IKZF1: variants seen among roughly 807,000 people sequenced by gnomAD.
IKZF1 encodes the protein IKAROS family zinc finger 1, also known as DNA-binding protein Ikaros.
A neutral mutation model predicts 51.7 loss-of-function variants in IKZF1; 10 were observed. That is an observed-to-expected ratio of 0.19 (90% CI 0.12 to 0.33). The LOEUF (loss-of-function observed/expected upper bound fraction) is 0.33, where lower values mean the gene tolerates loss of function less well. Ranked by LOEUF, IKZF1 falls within the 10% of genes least tolerant of loss-of-function variation. The pLI is 1.00. For synonymous variants in IKZF1, 280 were observed against 282.3 expected (o/e 0.99, Z 0.08); for missense variants, 484 against 707.5 (o/e 0.68, Z 3.58).
At chr7:50,354,793 T>C (rs1802824557) in intron 3 of IKZF1, among the ~76,000 whole-genome samples, 1 of 151,938 alleles carries the variant, frequency 6.6e-6, no homozygotes, top group Non-Finnish European at 1.5e-5. Context: ...ATGATGGGGA[T>C]GGAGAGTGGT....
chr7:50,315,692 A>G (rs564654280), intron 1 of IKZF1, among the ~76,000 whole-genome samples: 13 of 152,328 alleles, frequency 8.5e-5, no homozygotes, highest in South Asian at 8.3e-4. Flanking sequence ...TCCTTCTGGC[A>G]TCTCCCTTTA....
intron 3 of IKZF1, among the ~76,000 whole-genome samples, chr7:50,332,455 G>A (rs1047908517): frequency 4.4e-4 from 67 of 152,264 alleles, no homozygotes; most frequent in African/African-American, 1.5e-3. Context: ...CATGAAATCA[G>A]GCAGCAGGGG....
At chr7:50,334,017 A>G (rs1454472154) in intron 3 of IKZF1, among the ~76,000 whole-genome samples, 1 of 152,238 alleles carries the variant, frequency 6.6e-6, no homozygotes, top group African/African-American at 2.4e-5. Context: ...GTTTGATAAG[A>G]GAGGCCATCA....
intron 3 of IKZF1, among the ~76,000 whole-genome samples, chr7:50,343,462 C>T (rs568297129): frequency 6.6e-6 from 1 of 152,174 alleles, no homozygotes; most frequent in Admixed American, 6.5e-5. Flanking sequence ...TGATAGGTAA[C>T]CTAAAATAAT....
intron 3 of IKZF1, among the ~76,000 whole-genome samples, chr7:50,335,336 G>A (rs1797417519): frequency 7.0e-6 from 1 of 142,762 alleles, no homozygotes; most frequent in African/African-American, 2.6e-5. Context: ...TGTGTGTATG[G>A]GAGGTGTGTT....
rs1427077431 is a variant in IKZF1 at position 50,376,620 on chromosome 7, G to C, written c.248G>C (p.Arg83Pro). The C allele has an allele frequency of 6.2e-7, 1 of 1,614,002 alleles. No homozygotes were observed. Among genetic ancestry groups the C allele is most frequent in the Non-Finnish European group, 8.5e-7 (1 of 1,179,886 alleles). Residue 83 changes from arginine (R) to proline (P), a missense_variant, in exon 4 of 8, where the codon CGA (arginine) becomes CCA (proline). Physicochemically the swap from Arg to Pro is moderately radical, Grantham distance 103. Coordinates refer to ENST00000331340, the MANE Select transcript of IKZF1 (RefSeq NM_006060.6). This position sits in a 1 kb window ranked among gnomAD's most constrained non-coding sequence, Gnocchi z 4.5. ...GGGGAAGAATGTGCGGAGGATTTAC[G>C]AATGCTTGATGCCTCGGGAGAGAAA... is the stretch of plus-strand genomic sequence containing the variant. ...MNGEECAEDL[R>P]MLDASGEKMN... is the part of the protein sequence containing the mutation.
At chr7:50,310,117 G>A (rs1166735356) in intron 1 of IKZF1, among the ~76,000 whole-genome samples, 1 of 152,130 alleles carries the variant, frequency 6.6e-6, no homozygotes, top group African/African-American at 2.4e-5. Context: ...AATTATCTCA[G>A]GTTGTTAAAC....
intron 3 of IKZF1, among the ~76,000 whole-genome samples, chr7:50,366,197 C>A (rs1257331538): frequency 1.3e-5 from 2 of 152,014 alleles, no homozygotes; most frequent in Non-Finnish European, 2.9e-5. Context: ...TATAACAAAC[C>A]CCCATGACAT....
intron 3 of IKZF1, among the ~76,000 whole-genome samples, chr7:50,347,838 C>T (rs1800757004): frequency 6.6e-6 from 1 of 152,068 alleles, no homozygotes; most frequent in South Asian, 2.1e-4. Flanking sequence ...AAAGGGAAAC[C>T]AGGGAGAAAG....
chr7:50,375,498 A>G (rs1809972452), intron 3 of IKZF1, among the ~76,000 whole-genome samples: 1 of 152,230 alleles, frequency 6.6e-6, no homozygotes, highest in Non-Finnish European at 1.5e-5. Flanking sequence ...CAGTGTAACT[A>G]CAAATTCTCT....
intron 3 of IKZF1, among the ~76,000 whole-genome samples, chr7:50,340,151 C>G (rs1252560442): frequency 6.6e-6 from 1 of 152,194 alleles, no homozygotes; most frequent in Non-Finnish European, 1.5e-5. Context: ...CAGAAAACTA[C>G]CTCCACTGTG....
chr7:50,340,361 T>A (rs1427286812), intron 3 of IKZF1, among the ~76,000 whole-genome samples: 1 of 152,238 alleles, frequency 6.6e-6, no homozygotes, highest in African/African-American at 2.4e-5. Flanking sequence ...CTGCAGGCTG[T>A]CGATTTCCAC....
chr7:50,382,270 A>G (rs1261927224), intron 4 of IKZF1, among the ~76,000 whole-genome samples: 1 of 152,202 alleles, frequency 6.6e-6, no homozygotes, highest in East Asian at 1.9e-4. Context: ...TCATCACAAA[A>G]TGTTGCAGTC....
chr7:50,340,195 G>A (rs1798749834), intron 3 of IKZF1, among the ~76,000 whole-genome samples: 1 of 152,242 alleles, frequency 6.6e-6, no homozygotes, highest in Non-Finnish European at 1.5e-5. Context: ...GTGCTTTGAA[G>A]CACCTGACAC....
rs776825527 is a variant in IKZF1, at chr7:50,400,588, G to A, written c.1521G>A (p.Ser507=). 6.2e-7 allele frequency: 1 copy of A among 1,612,740 alleles called. No individual in the cohort carries two copies. The highest frequency in any genetic ancestry group is 1.1e-5 in the South Asian group (1 of 91,080). ...YHSQDRYEFS[S]HITRGEHRFH... Reference sequence around the variant, plus strand: ...GCCAGGACCGGTACGAGTTCTCGTCGCACATAACGCGAGGGGAGCACCGCT... The same window carrying A: ...GCCAGGACCGGTACGAGTTCTCGTCACACATAACGCGAGGGGAGCACCGCT... The change falls in exon 8 of 8, where the codon TCG becomes TCA. Residue 507 remains serine, a synonymous_variant. Coordinates refer to ENST00000331340, the MANE Select transcript of IKZF1 (RefSeq NM_006060.6). The surrounding 1 kb of genome is among the most constrained non-coding windows in gnomAD (Gnocchi z 5.4).
intron 3 of IKZF1, among the ~76,000 whole-genome samples, chr7:50,348,653 ATTG>A (rs1405582060): frequency 6.6e-6 from 1 of 152,224 alleles, no homozygotes; most frequent in African/African-American, 2.4e-5. Flanking sequence ...CATGCCAGAT[ATTG>A]TTAAGTCAGC....
At chr7:50,357,261 A>G (rs932652529) in intron 3 of IKZF1, among the ~76,000 whole-genome samples, 1 of 151,914 alleles carries the variant, frequency 6.6e-6, no homozygotes, top group African/African-American at 2.4e-5. Context: ...TGGGGACTTC[A>G]TCTCAGCTTC....
At chr7:50,357,572 A>C (rs1584745030) in intron 3 of IKZF1, among the ~76,000 whole-genome samples, 1 of 152,130 alleles carries the variant, frequency 6.6e-6, no homozygotes, top group East Asian at 1.9e-4. Flanking sequence ...GTTTCGGTGC[A>C]TCTTCCTCCT....
chr7:50,360,573 C>T (rs978286127), intron 3 of IKZF1, among the ~76,000 whole-genome samples: 2 of 152,204 alleles, frequency 1.3e-5, no homozygotes, highest in African/African-American at 2.4e-5. Context: ...CCTTTTACAC[C>T]GGCAGCAACA....
Sources: gnomAD v4.1 joint callset for allele counts (sites outside exome capture counted in the v4.1 genomes callset) on GRCh38, gnomAD v4.1.1 for gene constraint, Gnocchi (gnomAD v3.1) non-coding constraint, MANE v1.5 for transcripts, NCBI Gene and HGNC (gene_info 2026-07-23, HGNC 2026-07-21) for gene names.